PRSS23: variants seen among roughly 807,000 people sequenced by gnomAD.
The protein encoded by PRSS23 is serine protease 23.
PRSS23 carries 25 observed loss-of-function variants against 34.7 expected under a neutral mutation model. The observed-to-expected ratio is 0.72, with a 90% CI of 0.53 to 1.01. The LOEUF is 1.01. Among genes scored for constraint, PRSS23 ranks in the 50% least tolerant of loss-of-function variants. The pLI, the probability that PRSS23 is intolerant of heterozygous loss-of-function variation, is 0.00. For missense variants in PRSS23, 445 were observed against 475.6 expected (o/e 0.94, Z 0.60); for synonymous variants, 176 against 186.6 (o/e 0.94, Z 0.46).
intron 2 of PRSS23, chr11:86,833,514 G>A (rs1018362119): frequency 1.8e-5 from 5 of 283,652 alleles, no homozygotes; most frequent in African/African-American, 8.9e-5. Context: ...ATTTAATAGA[G>A]TGAAGACAGA....
At chr11:86,833,909 C>T (rs1737365405) in intron 2 of PRSS23, among the ~76,000 whole-genome samples, 1 of 152,122 alleles carries the variant, frequency 6.6e-6, no homozygotes, top group African/African-American at 2.4e-5. Flanking sequence ...AGGGGTTGTG[C>T]AGTTGAGATT....
intron 1 of PRSS23, among the ~76,000 whole-genome samples, chr11:86,822,599 C>T (rs575236999): frequency 9.3e-5 from 13 of 140,132 alleles, no homozygotes; most frequent in African/African-American, 2.2e-4. Flanking sequence ...TCAGCCTGGG[C>T]GACAAGAGTG....
exon 3 of PRSS23, chr11:86,952,568 C>G (rs2135042244): frequency 2.2e-6 from 3 of 1,355,656 alleles, no homozygotes; most frequent in Non-Finnish European, 3.1e-6. Context: ...TCCAGGCAAT[C>G]TAGGTATCTA....
chr11:86,865,739 C>T (rs970758199), intron 2 of PRSS23, among the ~76,000 whole-genome samples: 1 of 152,210 alleles, frequency 6.6e-6, no homozygotes, highest in Non-Finnish European at 1.5e-5. Context: ...GCTCAGGTCC[C>T]TACTCCTCCC....
In PRSS23 at chr11:86,808,320, G is replaced by A. The variant is rs1465804788; in HGVS notation, c.677G>A (p.Arg226His). 1.2e-5 allele frequency: 20 copies of A among 1,614,018 alleles called. No homozygotes were observed. The highest frequency in any genetic ancestry group is 1.4e-5 in the Non-Finnish European group (17 of 1,180,042). The change falls in exon 2 of 2, where the codon CGC becomes CAC. Residue 226 changes from arginine (R) to histidine (H), a missense_variant. Physicochemically the swap from Arg to His is conservative, Grantham distance 29. Transcript: ENST00000280258. ...QMKFQWIRVK[R>H]THVPKGWIKG... ...AAATTTCAGTGGATCCGGGTGAAAC[G>A]CACCCATGTGCCCAAGGGTTGGATC...
intron 2 of PRSS23, among the ~76,000 whole-genome samples, chr11:86,879,708 A>G (rs1451920709): frequency 2.5e-4 from 28 of 110,538 alleles, no homozygotes; most frequent in South Asian, 1.6e-3. Context: ...CAGCCGCCCC[A>G]TCCGGGAGGG....
intron 2 of PRSS23, among the ~76,000 whole-genome samples, chr11:86,869,755 G>A (rs1425812433): frequency 6.6e-6 from 1 of 152,158 alleles, no homozygotes; most frequent in African/African-American, 2.4e-5. Flanking sequence ...ATGGAGCCCA[G>A]GAATCTTCCA....
chr11:86,816,413 C>T (rs974568072), intron 1 of PRSS23, among the ~76,000 whole-genome samples: 1 of 152,178 alleles, frequency 6.6e-6, no homozygotes, highest in Non-Finnish European at 1.5e-5. Flanking sequence ...ACTACCCTCT[C>T]CACAAAATAT....
intron 2 of PRSS23, among the ~76,000 whole-genome samples, chr11:86,875,214 T>G (rs1948714498): frequency 6.6e-6 from 1 of 152,128 alleles, no homozygotes; most frequent in African/African-American, 2.4e-5. Context: ...ATTTTTAAAG[T>G]GCCACAATTA....
chr11:86,928,341 C>T (rs1026381450), intron 2 of PRSS23, among the ~76,000 whole-genome samples: 11 of 147,884 alleles, frequency 7.4e-5, no homozygotes, highest in African/African-American at 2.7e-4. Flanking sequence ...TATTGCATTA[C>T]ATTAATATAT....
intron 2 of PRSS23, among the ~76,000 whole-genome samples, chr11:86,875,796 G>C (rs1471666087): frequency 6.6e-6 from 1 of 152,210 alleles, no homozygotes. Context: ...TGTGCAGAAG[G>C]AAAATGAGAA....
intron 2 of PRSS23, chr11:86,912,086 A>C (rs913349254): frequency 6.6e-6 from 1 of 152,200 alleles, no homozygotes; most frequent in Non-Finnish European, 1.5e-5. Flanking sequence ...CAAAAAGTGG[A>C]TTTTAAAATG....
chr11:86,905,705 G>C (rs1948937291), intron 2 of PRSS23, among the ~76,000 whole-genome samples: 1 of 152,160 alleles, frequency 6.6e-6, no homozygotes, highest in Non-Finnish European at 1.5e-5. Flanking sequence ...ATTTACATCT[G>C]CTGAGTTTGC....
At chr11:86,934,985 A>T (rs1949151660) in intron 2 of PRSS23, 2 of 152,274 alleles carry the variant, frequency 1.3e-5, no homozygotes, top group Non-Finnish European at 2.9e-5. Context: ...AAACAAATAA[A>T]AATACACATA....
At chr11:86,890,923 T>C (rs1948837176) in intron 2 of PRSS23, among the ~76,000 whole-genome samples, 1 of 152,198 alleles carries the variant, frequency 6.6e-6, no homozygotes, top group South Asian at 2.1e-4. Context: ...CTCTCCCTAT[T>C]AAGGTTAATC....
At chr11:86,873,008 A>G (rs17149479) in intron 2 of PRSS23, among the ~76,000 whole-genome samples, 20,816 of 151,918 alleles carry the variant, frequency 0.14, 2,465 homozygotes, top group African/African-American at 0.33. Context: ...TCAATCAACT[A>G]TTAATTAACT....
At chr11:86,918,218 A>G (rs1949026494) in intron 2 of PRSS23, among the ~76,000 whole-genome samples, 2 of 152,238 alleles carry the variant, frequency 1.3e-5, no homozygotes, top group Non-Finnish European at 1.5e-5. Context: ...AAATGAATGT[A>G]AATGCAGAGA....
At chr11:86,851,885 G>T (rs1048533296) in intron 2 of PRSS23, among the ~76,000 whole-genome samples, 1 of 152,180 alleles carries the variant, frequency 6.6e-6, no homozygotes, top group Non-Finnish European at 1.5e-5. Flanking sequence ...TCATGAGTGA[G>T]ATGTCTATGA....
At chr11:86,867,450 A>T (rs12786506) in intron 2 of PRSS23, among the ~76,000 whole-genome samples, 1 of 152,176 alleles carries the variant, frequency 6.6e-6, no homozygotes, top group African/African-American at 2.4e-5. Flanking sequence ...CCTTGCCTTC[A>T]TCATCTTTGT....
Sources: allele counts gnomAD v4.1 joint callset (sites outside exome capture counted in the v4.1 genomes callset), GRCh38; gene constraint gnomAD v4.1.1; transcripts MANE v1.5; gene names NCBI Gene and HGNC (gene_info 2026-07-23, HGNC 2026-07-21).